KCNN2: variants seen among roughly 807,000 people sequenced by gnomAD.
KCNN2 encodes potassium calcium-activated channel subfamily N member 2, also known as small conductance calcium-activated potassium channel protein 2.
In KCNN2, 24 loss-of-function variants were observed where a neutral mutation model predicts 55.5. The ratio of observed to expected loss-of-function variants is 0.43; its 90% CI spans 0.31 to 0.61. KCNN2 has a LOEUF of 0.61. KCNN2 is among the 20% of genes least tolerant of loss of function. KCNN2 has a pLI of 0.08. For synonymous variants in KCNN2, 431 were observed against 336.1 expected, an observed-to-expected ratio of 1.28 and a Z score of -3.09; for missense variants, 754 against 853.6, an observed-to-expected ratio of 0.88 and a Z score of 1.45.
At chr5:114,311,022 C>T (rs994535581) in intron 2 of KCNN2, among the ~76,000 whole-genome samples, 2 of 152,014 alleles carry the variant, frequency 1.3e-5, no homozygotes, top group Non-Finnish European at 2.9e-5. Context: ...TAGAAATGGA[C>T]AATTTCTGGT....
intron 1 of KCNN2, among the ~76,000 whole-genome samples, chr5:114,211,409 A>G (rs924690787): frequency 1.1e-4 from 16 of 152,186 alleles, no homozygotes; most frequent in African/African-American, 3.9e-4. Context: ...TGACCTTTGC[A>G]GAAACATGGA....
chr5:114,139,934 T>A (rs1752242646), intron 1 of KCNN2, among the ~76,000 whole-genome samples: 1 of 151,982 alleles, frequency 6.6e-6, no homozygotes, highest in Non-Finnish European at 1.5e-5. Context: ...AAATAACATA[T>A]TTAAACAGAT....
chr5:114,065,823 C>G (rs1427673242), intron 1 of KCNN2, among the ~76,000 whole-genome samples: 1 of 111,668 alleles, frequency 9.0e-6, no homozygotes, highest in African/African-American at 3.5e-5. Flanking sequence ...TTGCTAAGAG[C>G]TTTTAGCTAT....
intron 1 of KCNN2, among the ~76,000 whole-genome samples, chr5:114,134,421 C>G (rs1251789204): frequency 6.6e-6 from 1 of 151,020 alleles, no homozygotes; most frequent in African/African-American, 2.4e-5. Flanking sequence ...AATTTAAGAA[C>G]CTATTTTGCA....
chr5:114,095,924 C>T (rs1751246147), intron 1 of KCNN2, among the ~76,000 whole-genome samples: 2 of 152,116 alleles, frequency 1.3e-5, no homozygotes, highest in Non-Finnish European at 2.9e-5. Flanking sequence ...ATATGCCAGT[C>T]TGTCTTTTTT....
chr5:114,187,483 A>G (rs1432767055), intron 1 of KCNN2, among the ~76,000 whole-genome samples: 3 of 148,344 alleles, frequency 2.0e-5, no homozygotes, highest in African/African-American at 7.4e-5. Flanking sequence ...GGCTATTAAT[A>G]TGTAAATAGA....
intron 3 of KCNN2, among the ~76,000 whole-genome samples, chr5:114,452,120 G>T (rs1212935765): frequency 6.6e-6 from 1 of 152,132 alleles, no homozygotes; most frequent in African/African-American, 2.4e-5. Flanking sequence ...CTATGAGAAC[G>T]TCAAATAGAT....
chr5:114,151,521 G>A (rs1580562208), intron 1 of KCNN2, among the ~76,000 whole-genome samples: 3 of 151,474 alleles, frequency 2.0e-5, no homozygotes, highest in African/African-American at 4.9e-5. Flanking sequence ...TTGCAACAAA[G>A]CACATGAAAG....
intron 1 of KCNN2, among the ~76,000 whole-genome samples, chr5:114,159,832 G>A (rs1256820514): frequency 6.6e-6 from 1 of 152,162 alleles, no homozygotes; most frequent in Non-Finnish European, 1.5e-5. Context: ...TTGTATTTCT[G>A]TGAGATCGGT....
At chr5:114,237,245 G>A (rs1176492398) in intron 2 of KCNN2, among the ~76,000 whole-genome samples, 4 of 142,136 alleles carry the variant, frequency 2.8e-5, no homozygotes, top group Non-Finnish European at 4.6e-5. Flanking sequence ...CCTGATGTGG[G>A]TTGTCAAAAT....
intron 1 of KCNN2, among the ~76,000 whole-genome samples, chr5:114,127,361 TC>T (rs1318522779): frequency 6.6e-6 from 1 of 152,146 alleles, no homozygotes; most frequent in African/African-American, 2.4e-5. Flanking sequence ...AAGTGGAGGT[TC>T]CCCAACGTCA....
At position 114,434,547 on chromosome 5, in the gene KCNN2, T is replaced by C. The variant is rs1043515902; in HGVS notation, c.1638-28502T>C. ...GTAATTTTGTGTTGAAAGCCAGATA[T>C]AAGATACTGGGTAAAAGGAGCTGGG... On this transcript the variant is annotated intron_variant, in intron 3 of 7. Coordinates refer to ENST00000673685, the MANE Select transcript of KCNN2 (RefSeq NM_021614.4). 3.3e-5 allele frequency among the ~76,000 whole-genome samples: 5 copies of C among 152,324 alleles called. 1 individual carries two copies. The South Asian group carries it at 8.3e-4, about 25-fold the overall frequency.
intron 2 of KCNN2, among the ~76,000 whole-genome samples, chr5:114,283,547 G>A (rs183010155): frequency 7.2e-4 from 109 of 152,146 alleles, no homozygotes; most frequent in Non-Finnish European, 1.1e-3. Context: ...ATTGACAATT[G>A]TTGGTACTGA....
Position 114,442,827 on chromosome 5 carries a change from A to G in KCNN2, c.1638-20222A>G, listed in dbSNP as rs113182893. Among the ~76,000 whole-genome samples the G allele has an allele frequency of 9.4e-3, 1,430 of 152,246 alleles. 27 individuals are homozygous for G. Among genetic ancestry groups the G allele is most frequent in the African/African-American group, 0.033 (1,369 of 41,546 alleles). On this transcript the variant is annotated intron_variant, in intron 3 of 7. Transcript: ENST00000673685. ...GAACAGGACCTTCAGAATATGAAAC[A>G]CTTGTGAACTCGGAGAGATGTGGGC...
chr5:114,063,951 A>G (rs1252227261), intron 1 of KCNN2, among the ~76,000 whole-genome samples: 2 of 152,234 alleles, frequency 1.3e-5, no homozygotes, highest in Admixed American at 1.3e-4. Context: ...TAACAGAGGC[A>G]ATGCCAGCTA....
intron 3 of KCNN2, among the ~76,000 whole-genome samples, chr5:114,434,826 C>CG (rs1490441021): frequency 1.3e-5 from 2 of 152,024 alleles, no homozygotes; most frequent in African/African-American, 2.4e-5. Flanking sequence ...CAGATCACTC[C>CG]GGGGGGAGAT....
chr5:114,068,546 T>C (rs77776491), intron 1 of KCNN2, among the ~76,000 whole-genome samples: 1 of 152,172 alleles, frequency 6.6e-6, no homozygotes. Flanking sequence ...GCTGCTCTCA[T>C]GTTCTGGGGC....
intron 1 of KCNN2, among the ~76,000 whole-genome samples, chr5:114,091,718 C>T (rs1220681568): frequency 2.6e-5 from 4 of 152,136 alleles, no homozygotes; most frequent in African/African-American, 9.7e-5. Context: ...AAGCAAGGCA[C>T]CTTCTTCACG....
intron 1 of KCNN2, among the ~76,000 whole-genome samples, chr5:114,142,424 A>T (rs1023274855): frequency 1.3e-5 from 2 of 152,150 alleles, no homozygotes; most frequent in Admixed American, 6.5e-5. Flanking sequence ...TCAGGAAGTC[A>T]AATTGTCCCT....
Sources: allele counts gnomAD v4.1 joint callset (sites outside exome capture counted in the v4.1 genomes callset), GRCh38; gene constraint gnomAD v4.1.1; transcripts MANE v1.5; gene names NCBI Gene and HGNC (gene_info 2026-07-23, HGNC 2026-07-21).